AP1G1: variants seen among roughly 807,000 people sequenced by gnomAD.
AP1G1 encodes AP-1 complex subunit gamma-1.
A neutral mutation model predicts 108.3 loss-of-function variants in AP1G1; 7 were observed. The observed-to-expected ratio is 0.06, with a 90% confidence interval of 0.04 to 0.12. AP1G1 has a LOEUF of 0.12. Among genes scored for constraint, AP1G1 ranks in the 10% least tolerant of loss-of-function variants. The probability of loss-of-function intolerance (pLI) is 1.00; values close to 1 mark genes in which losing one functional copy is unlikely to be tolerated. For missense variants in AP1G1, 756 were observed against 1,010.7 expected, an observed-to-expected ratio of 0.75 and a Z score of 3.42; for synonymous variants, 379 against 353.5, an observed-to-expected ratio of 1.07 and a Z score of -0.81.
chr16:71,736,551 A>ATTAATTAT (rs2045545885), intron 21 of AP1G1, among the ~76,000 whole-genome samples: 1 of 105,904 alleles, frequency 9.4e-6, no homozygotes. Context: ...CGGCTAATTT[A>ATTAATTAT]TTATTTATTT....
In AP1G1 at chr16:71,731,512, T is replaced by G. The variant is rs1220327814; in HGVS notation, c.*1546A>C. The G allele has an allele frequency of 6.6e-6, 1 of 152,024 alleles. No individual in the cohort carries two copies. Among genetic ancestry groups the G allele is most frequent in the Non-Finnish European group, 1.5e-5 (1 of 67,726 alleles). The allele number at this position is 152,024 out of a possible 1,614,324, so 9.4% of individuals were successfully genotyped here. On this transcript the variant is annotated 3_prime_UTR_variant, in exon 23 of 23. Transcript: ENST00000299980. ...TCAATACAGTAACAATTGCAAACAT[T>G]GTAAGAGCAAGGTGGGCCTCACTTT...
At chr16:71,755,896 G>T in intron 12 of AP1G1, 123 bp downstream of exon 12, 1 of 1,009,974 alleles carries the variant, frequency 9.9e-7, no homozygotes, top group Non-Finnish European at 1.5e-6. Flanking sequence ...CACCTGCCTT[G>T]GCCTCCCAAA....
chr16:71,741,862 A>G (rs1007517687), intron 19 of AP1G1, among the ~76,000 whole-genome samples: 4 of 152,124 alleles, frequency 2.6e-5, no homozygotes, highest in African/African-American at 7.2e-5. Flanking sequence ...TAGGTCCCCA[A>G]CTCCCTCAAA....
intron 19 of AP1G1, chr16:71,743,352 T>C (rs1156633425): frequency 6.6e-6 from 1 of 152,170 alleles, no homozygotes; most frequent in East Asian, 1.9e-4. Context: ...TCCAACTTGT[T>C]ATCCTATGTC....
Position 71,771,227 on chromosome 16 carries a change from A to G in AP1G1, c.494T>C (p.Ile165Thr). The G allele has an allele frequency of 6.2e-7, 1 of 1,607,850 alleles. No individual in the cohort carries two copies. The highest frequency in any genetic ancestry group is 1.1e-5 in the South Asian group (1 of 90,868). Reference sequence around the variant, plus strand: ...CTCCATAAGTTCAGGAACTTTCCTGATGACATGAACAGCACACAGTGCTGC... The same window carrying G: ...CTCCATAAGTTCAGGAACTTTCCTGGTGACATGAACAGCACACAGTGCTGC... ...KKAALCAVHV[I>T]RKVPELMEMF... is the part of the protein sequence containing the mutation. Residue 165 changes from isoleucine (I) to threonine (T), a missense_variant, in exon 5 of 23, where the codon ATC (isoleucine) becomes ACC (threonine). By Grantham distance (89) the Ile-to-Thr change is moderately conservative (BLOSUM62 -1). Around this residue, in one of 3 missense-constraint regions of AP1G1, gnomAD observed 304 missense variants for 483.6 expected, o/e 0.63. Coordinates refer to ENST00000299980, the MANE Select transcript of AP1G1 (RefSeq NM_001128.6).
At chr16:71,767,955 C>A (rs373039402) in intron 6 of AP1G1, 1 of 1,501,470 alleles carries the variant, frequency 6.7e-7, no homozygotes, top group Non-Finnish European at 9.2e-7. Flanking sequence ...GGGACAGATA[C>A]GGGTCTCATA....
At position 71,784,725 on chromosome 16, in the gene AP1G1, A is replaced by C. The variant is rs142120573; in HGVS notation, c.201+4554T>G. On this transcript the variant is annotated intron_variant, in intron 2 of 22. Coordinates refer to ENST00000299980, the MANE Select transcript of AP1G1 (RefSeq NM_001128.6). ...AGGCACCCACCATCACGCCTGGCTA[A>C]TTTTTGTATTTTTAGTAGAGACAGA... Among the ~76,000 whole-genome samples, 512 of 151,634 alleles carry C rather than the reference A, an allele frequency of 3.4e-3. 6 individuals carry two copies. Among genetic ancestry groups the C allele is most frequent in the African/African-American group, 0.012 (488 of 41,314 alleles).
chr16:71,777,693 C>T (rs1458855565), intron 2 of AP1G1: 11 of 450,198 alleles, frequency 2.4e-5, no homozygotes, highest in Middle Eastern at 3.7e-4. Flanking sequence ...CCTTCATCAT[C>T]TCCTTCTTCC....
At chr16:71,757,835 A>G (rs1025659626) in intron 11 of AP1G1, among the ~76,000 whole-genome samples, 12 of 152,214 alleles carry the variant, frequency 7.9e-5, no homozygotes, top group Admixed American at 3.3e-4. Flanking sequence ...CAGAAGGCTA[A>G]TATCTATTCC....
Position 71,731,988 on chromosome 16 carries a change from G to A in AP1G1, c.*1070C>T, listed in dbSNP as rs1217751628. 1 of 152,598 alleles carries A rather than the reference G, an allele frequency of 6.6e-6. No individual in the cohort carries two copies. Among genetic ancestry groups the A allele is most frequent in the African/African-American group, 2.4e-5 (1 of 41,448 alleles). The allele number at this position is 152,598 out of a possible 1,614,324, so 9.5% of individuals were successfully genotyped here. On this transcript the variant is annotated 3_prime_UTR_variant, in exon 23 of 23. Transcript: ENST00000299980. ...ATGCCAAGGTCCAAGCCAGGCTCAA[G>A]AAATAAAAAGGGAGGTTTGGAGTAA...
At chr16:71,766,900 G>C (rs764069432) in intron 6 of AP1G1, among the ~76,000 whole-genome samples, 2 of 152,182 alleles carry the variant, frequency 1.3e-5, no homozygotes, top group Non-Finnish European at 2.9e-5. Context: ...ACAAATCTAA[G>C]CCATGGAGAT....
At chr16:71,746,391 AAG>A (rs1400729362) in intron 17 of AP1G1, among the ~76,000 whole-genome samples, 195 bp downstream of exon 17, 6 of 152,350 alleles carry the variant, frequency 3.9e-5, no homozygotes, top group African/African-American at 1.2e-4. Flanking sequence ...GGTGGAATGA[AAG>A]AGAGTTAATT....
In AP1G1 at chr16:71,750,350, C is replaced by T; in HGVS notation, c.1285-18G>A. The T allele has an allele frequency of 6.2e-7, 1 of 1,613,108 alleles. No individual in the cohort carries two copies. Among genetic ancestry groups the T allele is most frequent in the Non-Finnish European group, 8.5e-7 (1 of 1,179,660 alleles). On this transcript the variant is annotated intron_variant, in intron 13 of 22. Coordinates refer to ENST00000299980, the MANE Select transcript of AP1G1 (RefSeq NM_001128.6). ...CTTCCTGCCTAAAAGGAAATGCAGA[C>T]AATTACCCCTAGAAACACACAGAAA... is the stretch of plus-strand genomic sequence containing the variant.
chr16:71,778,146 A>G (rs922941327), intron 2 of AP1G1, among the ~76,000 whole-genome samples: 2 of 152,254 alleles, frequency 1.3e-5, no homozygotes, highest in Non-Finnish European at 2.9e-5. Context: ...AAAACTAAAC[A>G]GCAAAAAGAA....
intron 1 of AP1G1, among the ~76,000 whole-genome samples, chr16:71,797,976 G>T (rs1050679140): frequency 6.6e-6 from 1 of 152,052 alleles, no homozygotes; most frequent in Non-Finnish European, 1.5e-5. Flanking sequence ...GTTAGAAATG[G>T]AGGGTAAACA....
chr16:71,778,210 ACT>A (rs767960915), intron 2 of AP1G1, among the ~76,000 whole-genome samples: 1 of 152,160 alleles, frequency 6.6e-6, no homozygotes, highest in South Asian at 2.1e-4. Flanking sequence ...ATTTATAGTG[ACT>A]CTGCTTCAAA....
intron 1 of AP1G1, among the ~76,000 whole-genome samples, chr16:71,791,598 T>C (rs976807337): frequency 2.7e-5 from 4 of 150,076 alleles, no homozygotes; most frequent in Non-Finnish European, 5.9e-5. Context: ...GGCAGGAGGA[T>C]AGCCTGAGCC....
In AP1G1 at chr16:71,808,825, C is replaced by G. The variant is rs771739871; in HGVS notation, c.-66G>C. The G allele has an allele frequency of 1.6e-6, 2 of 1,289,724 alleles. No individual in the cohort carries two copies. The highest frequency in any genetic ancestry group is 2.0e-6 in the Non-Finnish European group (2 of 988,828). The allele number at this position is 1,289,724 out of a possible 1,614,324, so 79.9% of individuals were successfully genotyped here. A position where few individuals can be genotyped will look rare whatever the true frequency, so the allele number is the denominator to read the frequency against. On this transcript the variant is annotated 5_prime_UTR_variant, in exon 1 of 23. Transcript: ENST00000299980. ...GCGGCGGCAGCAGTGGCAGCAGGAA[C>G]CGAACATCCAAAATGGCGGCTCCCT...
chr16:71,764,810 T>G (rs2031246160), intron 7 of AP1G1, 84 bp from the exon 8 acceptor site: 9 of 822,844 alleles, frequency 1.1e-5, no homozygotes, highest in Non-Finnish European at 1.6e-5. Context: ...AATAACTAAA[T>G]GAAGTCTTAG....
Sources: gnomAD v4.1 joint callset for allele counts (sites outside exome capture counted in the v4.1 genomes callset) on GRCh38, gnomAD v4.1.1 for gene constraint, gnomAD v4.1.1 regional missense constraint, MANE v1.5 for transcripts, NCBI Gene and HGNC (gene_info 2026-07-23, HGNC 2026-07-21) for gene names.